The following ABCB1 variants were observed in gnomAD, a reference collection of about 807,000 sequenced individuals.
The protein encoded by ABCB1 is ATP-dependent translocase ABCB1.
Under a neutral mutation model 142.0 loss-of-function variants are expected in ABCB1, and 69 were observed. That is an observed-to-expected ratio of 0.49 (90% CI 0.40 to 0.59). The LOEUF is 0.59. Ranked by LOEUF, ABCB1 falls within the 20% of genes least tolerant of loss-of-function variation. The probability of loss-of-function intolerance (pLI) is 0.00; values close to 1 mark genes in which losing one functional copy is unlikely to be tolerated. For synonymous variants in ABCB1, 532 were observed against 539.2 expected, an observed-to-expected ratio of 0.99 and a Z score of 0.18; for missense variants, 1,326 against 1,554.7, an observed-to-expected ratio of 0.85 and a Z score of 2.47.
chr7:87,617,413 A>G (rs931106502), intron 1 of ABCB1, among the ~76,000 whole-genome samples: 2 of 152,236 alleles, frequency 1.3e-5, no homozygotes, highest in African/African-American at 4.8e-5. Flanking sequence ...ACTGTGTTAA[A>G]GTTTAGAAAA....
chr7:87,710,757 G>A (rs1830000286), intron 1 of ABCB1: 2 of 589,926 alleles, frequency 3.4e-6, no homozygotes, highest in Non-Finnish European at 5.8e-6. Context: ...ATCCTCAACT[G>A]TTTTATTTCC....
At position 87,570,185 on chromosome 7, in the gene ABCB1, C is replaced by T. The variant is rs189559454; in HGVS notation, c.325G>A (p.Glu109Lys). 268 of 1,612,954 alleles carry T rather than the reference C, an allele frequency of 1.7e-4. 1 individual carries two copies. The East Asian group carries it at 5.9e-3, about 35-fold the overall frequency. Residue 109 changes from glutamate to lysine, a missense_variant, in exon 5 of 28, where the codon GAA (glutamate) becomes AAA (lysine). Glu to Lys is a moderately conservative substitution (Grantham distance 56). Transcript: ENST00000622132. ...NDTGFFMNLE[E>K]DMTRYAYYYS... is the part of the protein sequence containing the mutation. The stretch of plus-strand genomic sequence containing the variant: ...ATGTCTAATTACCTGGTCATGTCTT[C>T]CTCCAGATTCATGAAGAACCCTGTA...
rs182802768 is a variant in ABCB1, at chr7:87,544,369, A to C, written c.2065-94T>G. On this transcript the variant is annotated intron_variant, in intron 16 of 27. Transcript: ENST00000622132. The stretch of plus-strand genomic sequence containing the variant: ...AAAAATTAGTAAAGGAATATATCCT[A>C]TCCTTATTCCTTATCAATGAATAAG... 158 of 1,230,946 alleles carry C rather than the reference A, an allele frequency of 1.3e-4. 3 individuals are homozygous for C. In the South Asian group the frequency reaches 1.8e-3, roughly 14 times the overall value. The allele number at this position is 1,230,946 out of a possible 1,614,324, so 76.3% of individuals were successfully genotyped here.
chr7:87,565,399 T>C, intron 7 of ABCB1: 1 of 426,426 alleles, frequency 2.3e-6, no homozygotes, highest in South Asian at 1.7e-5. Flanking sequence ...AAATGGAAAA[T>C]AAGTTTTAAA....
intron 1 of ABCB1, among the ~76,000 whole-genome samples, chr7:87,667,005 G>T (rs1825320310): frequency 6.6e-6 from 1 of 152,112 alleles, no homozygotes; most frequent in South Asian, 2.1e-4. Context: ...TTTTAAAATG[G>T]TTTTTATCTA....
chr7:87,575,094 C>T (rs550508556), intron 4 of ABCB1, among the ~76,000 whole-genome samples: 27 of 152,246 alleles, frequency 1.8e-4, no homozygotes, highest in African/African-American at 5.8e-4. Context: ...ACCTTTCTAC[C>T]TGGCAAGAAA....
chr7:87,626,511 T>TATATGTGTCATATATATGTGTC lies in ABCB1; in HGVS notation c.-330-25434_-330-25433insGACACATATATATGACACATAT, dbSNP rs1163253127. ...ATATATATGTGTCATATATGTGTCA[T>TATATGTGTCATATATATGTGTC]ATATATGTGTCATATATATGTGTCA... On this transcript the variant is annotated intron_variant, in intron 1 of 28. Transcript: ENST00000265724. Among the ~76,000 whole-genome samples, 18 of 6,434 alleles carry TATATGTGTCATATATATGTGTC rather than the reference T, an allele frequency of 2.8e-3. 8 individuals are homozygous for TATATGTGTCATATATATGTGTC. Among genetic ancestry groups the TATATGTGTCATATATATGTGTC allele is most frequent in the Admixed American group, 5.9e-3 (3 of 510 alleles). 4.2% of individuals were successfully genotyped at this position (6,434 alleles called of 152,430 possible).
chr7:87,656,889 A>T (rs1393768657), intron 1 of ABCB1, among the ~76,000 whole-genome samples: 1 of 152,138 alleles, frequency 6.6e-6, no homozygotes, highest in Non-Finnish European at 1.5e-5. Context: ...ATTCAATTGT[A>T]TTTATTGAGT....
chr7:87,521,118 A>G (rs947037646), intron 21 of ABCB1: 1 of 498,070 alleles, frequency 2.0e-6, no homozygotes, highest in African/African-American at 1.9e-5. Flanking sequence ...TAAATGGATT[A>G]TGGCATTGCT....
At chr7:87,642,199 A>T (rs1240511164) in intron 1 of ABCB1, among the ~76,000 whole-genome samples, 1 of 152,090 alleles carries the variant, frequency 6.6e-6, no homozygotes, top group Non-Finnish European at 1.5e-5. Flanking sequence ...ATATATTTTT[A>T]AAACTGTGCT....
At chr7:87,712,886 A>G (rs1234229070) in intron 1 of ABCB1, among the ~76,000 whole-genome samples, 6 of 152,180 alleles carry the variant, frequency 3.9e-5, no homozygotes, top group Admixed American at 6.5e-5. Flanking sequence ...ATCGAATAAT[A>G]GGATTTAAAT....
chr7:87,707,457 T>C (rs1292639898), intron 1 of ABCB1, among the ~76,000 whole-genome samples: 1 of 152,144 alleles, frequency 6.6e-6, no homozygotes, highest in Admixed American at 6.5e-5. Context: ...GCAGATCACT[T>C]GAGCTCAGGA....
intron 21 of ABCB1, chr7:87,521,327 A>G: frequency 2.4e-6 from 1 of 417,376 alleles, no homozygotes; most frequent in Non-Finnish European, 4.3e-6. Context: ...AAATAGTGAA[A>G]GAATGCAGGC....
At chr7:87,707,157 T>C (rs1282174724) in intron 1 of ABCB1, among the ~76,000 whole-genome samples, 1 of 152,124 alleles carries the variant, frequency 6.6e-6, no homozygotes, top group African/African-American at 2.4e-5. Context: ...AGAGTTGCTA[T>C]AAATTTTCAT....
intron 10 of ABCB1, 66 bp downstream of exon 10, chr7:87,550,659 G>C: frequency 6.4e-7 from 1 of 1,562,782 alleles, no homozygotes. Flanking sequence ...TGGATAAAGT[G>C]ACAAAGAAAT....
At chr7:87,509,213 C>A in intron 26 of ABCB1, 62 bp downstream of exon 26, 2 of 1,563,968 alleles carry the variant, frequency 1.3e-6, no homozygotes, top group Admixed American at 1.7e-5. Context: ...CCTTATAAAT[C>A]AAACTATAGG....
intron 3 of ABCB1, among the ~76,000 whole-genome samples, chr7:87,588,597 G>A (rs560962454): frequency 6.6e-6 from 1 of 152,294 alleles, no homozygotes; most frequent in East Asian, 1.9e-4. Flanking sequence ...GGCCATTTAG[G>A]TTGATTCCAT....
Position 87,595,775 on chromosome 7 carries a change from T to C in ABCB1, c.108A>G (p.Val36=), listed in dbSNP as rs773250326. The C allele has an allele frequency of 6.2e-7, 1 of 1,609,784 alleles. No individual in the cohort carries two copies. The highest frequency in any genetic ancestry group is 1.7e-5 in the Admixed American group (1 of 59,940). Reference sequence around the variant, plus strand: ...TAAATTCAAAACTCACCATTGAAAATACACTGACAGTTGGTTTCTTTTCCT... The same window carrying C: ...TAAATTCAAAACTCACCATTGAAAACACACTGACAGTTGGTTTCTTTTCCT... ...DKKEKKPTVS[V]FSMFRYSNWL... is the part of the protein sequence containing the mutation. Residue 36 remains valine (V), a synonymous_variant, in exon 3 of 28, where the codon GTA becomes GTG. Transcript: ENST00000622132.
chr7:87,654,416 C>T (rs1235662338), intron 1 of ABCB1, among the ~76,000 whole-genome samples: 1 of 151,982 alleles, frequency 6.6e-6, no homozygotes, highest in African/African-American at 2.4e-5. Context: ...AGAGAACCCA[C>T]AAATAAATCC....
Sources: allele counts gnomAD v4.1 joint callset (sites outside exome capture counted in the v4.1 genomes callset), GRCh38; gene constraint gnomAD v4.1.1; transcripts MANE v1.5; gene names NCBI Gene and HGNC (gene_info 2026-07-23, HGNC 2026-07-21).